The following TPD52L1 variants were observed in gnomAD, a reference collection of about 807,000 sequenced individuals.
TPD52L1 encodes the protein TPD52 like 1.
TPD52L1 carries 18 observed loss-of-function variants against 28.7 expected under a neutral mutation model. That is an observed-to-expected ratio of 0.63 (90% CI 0.43 to 0.93). The LOEUF (loss-of-function observed/expected upper bound fraction) is 0.93. Among genes scored for constraint, TPD52L1 ranks in the 40% least tolerant of loss-of-function variants. The pLI is 0.00. For missense variants in TPD52L1, 203 were observed against 254.8 expected (o/e 0.80, Z 1.39); for synonymous variants, 75 against 88.8 (o/e 0.84, Z 0.88).
At chr6:125,252,276 C>A in intron 4 of TPD52L1, 1 of 461,096 alleles carries the variant, frequency 2.2e-6, no homozygotes, top group South Asian at 5.0e-5. Context: ...AGCTCTCTCT[C>A]AGGAGTCTCT....
At chr6:125,178,839 T>G (rs530505147) in intron 1 of TPD52L1, among the ~76,000 whole-genome samples, 4 of 152,168 alleles carry the variant, frequency 2.6e-5, no homozygotes, top group African/African-American at 9.7e-5. Context: ...GGTGTTACAT[T>G]CTGAGTACAC....
chr6:125,204,007 G>A (rs969836692), intron 1 of TPD52L1, among the ~76,000 whole-genome samples: 1 of 152,156 alleles, frequency 6.6e-6, no homozygotes, highest in Non-Finnish European at 1.5e-5. Flanking sequence ...CCTTTCTCCT[G>A]CAAATAGTCC....
chr6:125,215,475 CA>C (rs1794800986), intron 1 of TPD52L1, among the ~76,000 whole-genome samples: 1 of 152,160 alleles, frequency 6.6e-6, no homozygotes, highest in African/African-American at 2.4e-5. Context: ...CAAGATGTAA[CA>C]GGGAAAAATA....
At chr6:125,234,741 A>T (rs980916794) in intron 3 of TPD52L1, among the ~76,000 whole-genome samples, 1 of 152,138 alleles carries the variant, frequency 6.6e-6, no homozygotes, top group Admixed American at 6.6e-5. Context: ...GATAGGGTTG[A>T]AAAACAATCT....
intron 4 of TPD52L1, 64 bp downstream of exon 4, chr6:125,248,447 TA>T: frequency 1.8e-6 from 2 of 1,125,194 alleles, no homozygotes; most frequent in Non-Finnish European, 2.7e-6. Flanking sequence ...AAGGGAGCAC[TA>T]GCTATTAGCT....
intron 3 of TPD52L1, among the ~76,000 whole-genome samples, chr6:125,246,289 C>T (rs370554852): frequency 2.0e-4 from 30 of 152,290 alleles, no homozygotes; most frequent in Middle Eastern, 3.4e-3. Flanking sequence ...TTTCTCTCCT[C>T]TCGCACTCTA....
intron 1 of TPD52L1, among the ~76,000 whole-genome samples, chr6:125,177,009 G>A (rs1030619390): frequency 6.6e-6 from 1 of 152,160 alleles, no homozygotes; most frequent in Non-Finnish European, 1.5e-5. Context: ...CTGCACTCCA[G>A]CCTGGGAGAC....
At chr6:125,239,295 CTGTATTAG>C (rs1796476238) in intron 3 of TPD52L1, among the ~76,000 whole-genome samples, 1 of 152,046 alleles carries the variant, frequency 6.6e-6, no homozygotes, top group Non-Finnish European at 1.5e-5. Context: ...CTATTCACGT[CTGTATTAG>C]TCTGTTAATG....
At chr6:125,158,630 C>G (rs1280182201) in intron 1 of TPD52L1, among the ~76,000 whole-genome samples, 2 of 152,090 alleles carry the variant, frequency 1.3e-5, no homozygotes, top group South Asian at 4.1e-4. Context: ...AATATAATCA[C>G]ATTACTTTTA....
At chr6:125,243,653 T>C (rs1445133598) in intron 3 of TPD52L1, among the ~76,000 whole-genome samples, 2 of 152,106 alleles carry the variant, frequency 1.3e-5, no homozygotes, top group Non-Finnish European at 2.9e-5. Flanking sequence ...TTATGATTGT[T>C]TTTTCCTTAT....
At chr6:125,170,318 G>A (rs544069368) in intron 1 of TPD52L1, among the ~76,000 whole-genome samples, 3 of 152,014 alleles carry the variant, frequency 2.0e-5, no homozygotes, top group Non-Finnish European at 4.4e-5. Flanking sequence ...GCAGTCAGGT[G>A]TGTTACAGGA....
At chr6:125,194,984 G>A (rs1226687975) in intron 1 of TPD52L1, among the ~76,000 whole-genome samples, 2 of 152,190 alleles carry the variant, frequency 1.3e-5, no homozygotes, top group African/African-American at 4.8e-5. Flanking sequence ...GGAAGTTAAA[G>A]TTTCATTTAT....
intron 4 of TPD52L1, among the ~76,000 whole-genome samples, chr6:125,249,456 A>C (rs563700219): frequency 3.3e-5 from 5 of 151,928 alleles, no homozygotes; most frequent in East Asian, 1.9e-4. Context: ...AGGCAGGTGG[A>C]TCCCTTGAGG....
At chr6:125,229,774 T>C (rs1403403612) in intron 3 of TPD52L1, among the ~76,000 whole-genome samples, 1 of 152,238 alleles carries the variant, frequency 6.6e-6, no homozygotes. Context: ...AGGGAATATT[T>C]AGAGCTGGGT....
intron 1 of TPD52L1, chr6:125,214,470 C>T: frequency 2.0e-6 from 2 of 983,906 alleles, no homozygotes; most frequent in Non-Finnish European, 2.4e-6. Flanking sequence ...CTCGGTAAGT[C>T]CTAGATATCT....
intron 1 of TPD52L1, among the ~76,000 whole-genome samples, chr6:125,173,925 G>A (rs184820964): frequency 2.0e-3 from 303 of 152,246 alleles, no homozygotes; most frequent in African/African-American, 5.7e-3. Flanking sequence ...AAACTAAAGG[G>A]CCTGTCACAT....
chr6:125,222,142 G>T (rs978546199), intron 2 of TPD52L1, among the ~76,000 whole-genome samples: 1 of 152,186 alleles, frequency 6.6e-6, no homozygotes, highest in African/African-American at 2.4e-5. Flanking sequence ...GTGGACACAG[G>T]AACTCAAGTT....
intron 4 of TPD52L1, among the ~76,000 whole-genome samples, chr6:125,249,852 C>T (rs556701539): frequency 6.6e-6 from 1 of 152,092 alleles, no homozygotes; most frequent in African/African-American, 2.4e-5. Context: ...ATTTTAACAA[C>T]TAGGCATTCA....
chr6:125,244,735 G>A (rs553124450), intron 3 of TPD52L1, among the ~76,000 whole-genome samples: 1 of 152,288 alleles, frequency 6.6e-6, no homozygotes, highest in South Asian at 2.1e-4. Context: ...GGGGAAACAA[G>A]GACCCCTTCT....
Sources: gnomAD v4.1 joint callset for allele counts (sites outside exome capture counted in the v4.1 genomes callset) on GRCh38, gnomAD v4.1.1 for gene constraint, MANE v1.5 for transcripts, NCBI Gene and HGNC (gene_info 2026-07-23, HGNC 2026-07-21) for gene names.